The following F8 variants were observed in gnomAD, a reference collection of about 807,000 sequenced individuals.
The protein encoded by F8 is antihemophilic factor.
Under a neutral mutation model 140.6 loss-of-function variants are expected in F8, and 12 were observed. The observed-to-expected ratio is 0.09, with a 90% CI of 0.05 to 0.14. F8 has a LOEUF of 0.14. Among genes scored for constraint, F8 ranks in the 10% least tolerant of loss-of-function variants. The pLI is 1.00. For missense variants in F8, 1,354 were observed against 1,720.7 expected (o/e 0.79, Z 3.77); for synonymous variants, 585 against 614.6 (o/e 0.95, Z 0.71).
chrX:154,934,024 C>T (rs933917320), intron 13 of F8, among the ~76,000 whole-genome samples: 1 of 111,623 alleles, frequency 9.0e-6, no homozygotes, highest in Admixed American at 9.5e-5. Flanking sequence ...AGATGGTCAC[C>T]CACTGTGCCT....
rs1344479955 is a variant in F8 at position 155,013,421 on chromosome X, C to T, written c.143+8989G>A. Among the ~76,000 whole-genome samples, 8 of 111,238 alleles carry T rather than the reference C, an allele frequency of 7.2e-5. No individual in the cohort carries two copies. The South Asian group carries it at 1.9e-3, about 27-fold the overall frequency. On this transcript the variant is annotated intron_variant, in intron 1 of 25. Coordinates refer to ENST00000360256, the MANE Select transcript of F8 (RefSeq NM_000132.4). ...ATGCCATATAAGATGTGTCTTTGCT[C>T]CTCCTTTGCCTTCCACCATGATTGT... is the stretch of plus-strand genomic sequence containing the variant.
In F8 at chrX:154,928,632, C is replaced by A; in HGVS notation, c.5158G>T (p.Ala1720Ser). Residue 1720 changes from alanine to serine, a missense_variant, in exon 14 of 26, where the codon GCT becomes TCT. Ala to Ser is a moderately conservative substitution (Grantham distance 99). Coordinates refer to ENST00000360256, the MANE Select transcript of F8 (RefSeq NM_000132.4). ...FQKKTRHYFI[A>S]AVERLWDYGM... ...TAATCCCAGAGCCTCTCCACTGCAG[C>A]AATAAAATAGTGTCGTGTTTTCTTT... 1 of 1,211,196 alleles carries A rather than the reference C, an allele frequency of 8.3e-7. No individual in the cohort carries two copies. Among genetic ancestry groups the A allele is most frequent in the Non-Finnish European group, 1.1e-6 (1 of 895,356 alleles).
chrX:154,836,387 A>C lies in F8; in HGVS notation c.*1210T>G, dbSNP rs1557270876. ...AGATGGAAGGAGCAGTAAACCCTTC[A>C]CAATCTTATGGGGGTGGAGGGCAAG... On this transcript the variant is annotated 3_prime_UTR_variant, in exon 26 of 26. Transcript: ENST00000360256. 9.0e-6 allele frequency: 1 copy of C among 111,057 alleles called. No homozygotes were observed. The highest frequency in any genetic ancestry group is 1.9e-5 in the Non-Finnish European group (1 of 53,012). 9.2% of individuals were successfully genotyped at this position (111,057 alleles called of 1,213,427 possible). A position where few individuals can be genotyped will look rare whatever the true frequency, so the allele number is the denominator to read the frequency against.
At chrX:154,992,871 G>T in intron 4 of F8, 65 bp downstream of exon 4, 1 of 1,025,911 alleles carries the variant, frequency 9.7e-7, no homozygotes, top group Non-Finnish European at 1.4e-6. Context: ...AACTGTTATA[G>T]ATAGATTCAG....
At chrX:154,843,239 G>C (rs1203115211) in intron 25 of F8, among the ~76,000 whole-genome samples, 1 of 111,687 alleles carries the variant, frequency 9.0e-6, no homozygotes, top group African/African-American at 3.3e-5. Context: ...ATTGTGAATA[G>C]TGCCGCAATA....
intron 14 of F8, among the ~76,000 whole-genome samples, chrX:154,911,282 C>T (rs1020084487): frequency 2.8e-5 from 3 of 107,841 alleles, no homozygotes; most frequent in Non-Finnish European, 5.8e-5. Context: ...CAGTGTTTCT[C>T]GTCACTGTGG....
chrX:155,015,306 A>AG (rs2073728456), intron 1 of F8, among the ~76,000 whole-genome samples: 1 of 112,047 alleles, frequency 8.9e-6, no homozygotes, highest in African/African-American at 3.2e-5. Context: ...TTCCTAGGAC[A>AG]GGGGAAAAAA....
chrX:154,916,552 T>A (rs1351394396), intron 14 of F8, among the ~76,000 whole-genome samples: 8 of 111,417 alleles, frequency 7.2e-5, no homozygotes, highest in African/African-American at 2.6e-4. Context: ...CAGAAATTTA[T>A]CCATTTCTTC....
intron 24 of F8, among the ~76,000 whole-genome samples, chrX:154,861,151 G>C (rs939458203): frequency 9.9e-5 from 11 of 110,820 alleles, no homozygotes; most frequent in African/African-American, 3.3e-4. Context: ...CCGCCTCCCA[G>C]GTTCATGCGA....
At chrX:155,009,733 T>C in intron 1 of F8, among the ~76,000 whole-genome samples, 1 of 110,269 alleles carries the variant, frequency 9.1e-6, no homozygotes, top group South Asian at 3.9e-4. Flanking sequence ...AGACTCTGTC[T>C]CAAAAAATAA....
At chrX:154,996,584 C>G (rs781843916) in intron 3 of F8, among the ~76,000 whole-genome samples, 1 of 111,936 alleles carries the variant, frequency 8.9e-6, no homozygotes, top group East Asian at 2.8e-4. Context: ...CAACTGCTCA[C>G]TCCTAGATCA....
chrX:154,931,798 G>A, intron 13 of F8, 122 bp from the exon 14 acceptor site: 1 of 592,980 alleles, frequency 1.7e-6, no homozygotes, highest in Non-Finnish European at 2.7e-6. Context: ...TTATATCACA[G>A]GTCATTGGGT....
chrX:154,843,424 G>A (rs1304067459), intron 25 of F8, among the ~76,000 whole-genome samples: 5 of 111,789 alleles, frequency 4.5e-5, no homozygotes, highest in Admixed American at 2.8e-4. Flanking sequence ...GTGTAAAAGC[G>A]TTCCTATTTC....
rs1557285136 is a variant in F8 at position 154,996,970 on chromosome X, C to T, written c.388+3G>A. 8.3e-7 allele frequency: 1 copy of T among 1,210,065 alleles called. No homozygotes were observed. Among genetic ancestry groups the T allele is most frequent in the Non-Finnish European group, 1.1e-6 (1 of 893,986 alleles). ...CAGGACAATAGGAGGGTATTTTACT[C>T]ACCCTCAGAAGCTTTCCAGTAGGAT... On this transcript the variant is annotated splice_donor_region_variant and intron_variant, in intron 3 of 25. Transcript: ENST00000360256.
At chrX:154,987,839 T>C (rs2073567697) in intron 4 of F8, among the ~76,000 whole-genome samples, 1 of 112,462 alleles carries the variant, frequency 8.9e-6, no homozygotes. Flanking sequence ...TTTCATGCTT[T>C]AACTGTTGAG....
Position 154,984,171 on chromosome X carries a change from G to A in F8, c.787+516C>T, listed in dbSNP as rs781880468. Among the ~76,000 whole-genome samples the A allele has an allele frequency of 5.5e-4, 61 of 111,222 alleles. 1 individual carries two copies. The South Asian group carries it at 0.023, about 43-fold the overall frequency. On this transcript the variant is annotated intron_variant, in intron 6 of 25. Coordinates refer to ENST00000360256, the MANE Select transcript of F8 (RefSeq NM_000132.4). Reference sequence around the variant, plus strand: ...CTGGGTTGTTGTTGGTGTAGATATTGGTGCTGTATGTTTGGTTTTGGTTTT... The same window carrying A: ...CTGGGTTGTTGTTGGTGTAGATATTAGTGCTGTATGTTTGGTTTTGGTTTT...
In F8 at chrX:154,969,646, C is replaced by T. The variant is rs1319994276; in HGVS notation, c.788-94G>A. The T allele has an allele frequency of 1.2e-5, 9 of 762,085 alleles. No homozygotes were observed. In the East Asian group the frequency reaches 1.3e-4, roughly 11 times the overall value. The allele number at this position is 762,085 out of a possible 1,213,427, so 62.8% of individuals were successfully genotyped here. On this transcript the variant is annotated intron_variant, in intron 6 of 25. Transcript: ENST00000360256. ...ACAGAATGGACAAATTGACTTTAGA[C>T]ACTTTATTGCTACCTTGACTTGTAA...
chrX:154,918,838 A>G (rs1196330861), intron 14 of F8: 1 of 96,769 alleles, frequency 1.0e-5, no homozygotes, highest in Non-Finnish European at 2.0e-5. Flanking sequence ...TGGGGCATCA[A>G]TGATGGTCAC....
intron 4 of F8, among the ~76,000 whole-genome samples, chrX:154,990,264 T>C (rs782516082): frequency 8.9e-6 from 1 of 112,051 alleles, no homozygotes; most frequent in East Asian, 2.8e-4. Flanking sequence ...CTCTCCTTAC[T>C]TGCCTTCTTT....
Sources: gnomAD v4.1 joint callset for allele counts (sites outside exome capture counted in the v4.1 genomes callset) on GRCh38, gnomAD v4.1.1 for gene constraint, MANE v1.5 for transcripts, NCBI Gene and HGNC (gene_info 2026-07-23, HGNC 2026-07-21) for gene names.